TREM1: variants seen among roughly 807,000 people sequenced by gnomAD.
TREM1 encodes triggering receptor expressed on myeloid cells 1, also known as triggering receptor expressed on monocytes 1.
Under a neutral mutation model 22.4 loss-of-function variants are expected in TREM1, and 16 were observed. The observed-to-expected ratio is 0.71, with a 90% CI of 0.48 to 1.08. The LOEUF (loss-of-function observed/expected upper bound fraction) is 1.08. TREM1 is among the 50% of genes least tolerant of loss of function. TREM1 has a pLI of 0.00. For synonymous variants in TREM1, 110 were observed against 111.6 expected (o/e 0.99, Z 0.09); for missense variants, 283 against 282.9 (o/e 1.00, Z 0.00).
At chr6:41,278,436 G>A (rs6910438) in intron 3 of TREM1, among the ~76,000 whole-genome samples, 17,208 of 151,612 alleles carry the variant, frequency 0.11, 1,062 homozygotes, top group East Asian at 0.27. Flanking sequence ...TTGGGAGGCC[G>A]AGGTGGGAGG....
Position 41,275,313 on chromosome 6 carries a change from A to G in TREM1, c.*812T>C, listed in dbSNP as rs1767625806. ...GGAACTCCTGGTTATTCTATTCTAT[A>G]TGGTTTTGGGGTCCTTCAGGTAAGG... On this transcript the variant is annotated 3_prime_UTR_variant, in exon 4 of 4. Coordinates refer to ENST00000244709, the MANE Select transcript of TREM1 (RefSeq NM_018643.5). The G allele has an allele frequency of 1.3e-5, 2 of 152,074 alleles. No individual in the cohort carries two copies. Among genetic ancestry groups the G allele is most frequent in the Admixed American group, 6.5e-5 (1 of 15,270 alleles). The allele number at this position is 152,074 out of a possible 1,614,324, so 9.4% of individuals were successfully genotyped here.
At chr6:41,272,743 C>T (rs943250712), downstream of TREM1, among the ~76,000 whole-genome samples, 1 of 152,094 alleles carries the variant, frequency 6.6e-6, no homozygotes, top group Admixed American at 6.5e-5. Flanking sequence ...CCTGAGCTAA[C>T]CTGTCCAGGC....
chr6:41,282,883 G>T lies in TREM1; in HGVS notation c.50-132C>A, dbSNP rs558597391. On this transcript the variant is annotated intron_variant, in intron 1 of 3. Coordinates refer to ENST00000244709, the MANE Select transcript of TREM1 (RefSeq NM_018643.5). ...TCAGATGAGGTTCTTGAGGCCTCCAGAGAAAATACAACTTGCCCTGCAAGC... is the reference window on the plus strand; with the variant it reads ...TCAGATGAGGTTCTTGAGGCCTCCATAGAAAATACAACTTGCCCTGCAAGC... 3.2e-5 allele frequency: 26 copies of T among 805,880 alleles called. No individual in the cohort carries two copies. The East Asian group carries it at 5.9e-4, about 18-fold the overall frequency. The allele number at this position is 805,880 out of a possible 1,614,324, so 49.9% of individuals were successfully genotyped here.
At chr6:41,272,917 C>A (rs1767523724), downstream of TREM1, among the ~76,000 whole-genome samples, 2 of 152,166 alleles carry the variant, frequency 1.3e-5, no homozygotes, top group Middle Eastern at 3.2e-3. Flanking sequence ...GTACCAAACA[C>A]CTTTTTCTTT....
At chr6:41,283,684 C>T (rs1768028544) in intron 1 of TREM1, among the ~76,000 whole-genome samples, 2 of 150,696 alleles carry the variant, frequency 1.3e-5, no homozygotes. Context: ...TGCACTCCAG[C>T]CTGGGCCACA....
At chr6:41,280,648 G>A in intron 3 of TREM1, 1 of 1,383,390 alleles carries the variant, frequency 7.2e-7, no homozygotes, top group South Asian at 1.6e-5. Flanking sequence ...CTTTCCCACT[G>A]CCCATCAGGC....
In TREM1 at chr6:41,284,495, C is replaced by T. The variant is rs72859285; in HGVS notation, c.50-1744G>A. On this transcript the variant is annotated intron_variant, in intron 1 of 3. Transcript: ENST00000244709. The stretch of plus-strand genomic sequence containing the variant: ...AGAGCGGAAGTGAGAAGACCAAGGT[C>T]CGTGTTTTCAGCTGGACACACAGGG... Among the ~76,000 whole-genome samples, 685 of 152,272 alleles carry T rather than the reference C, an allele frequency of 4.5e-3. 2 individuals carry two copies. The highest frequency in any genetic ancestry group is 7.1e-3 in the Non-Finnish European group (482 of 68,024).
At position 41,282,402 on chromosome 6, in the gene TREM1, C is replaced by T. The variant is rs1767957400; in HGVS notation, c.399G>A (p.Val133=). The change falls in exon 2 of 4, where the codon GTG becomes GTA. Residue 133 remains valine (V), a synonymous_variant. Transcript: ENST00000244709. ...AAGTCCCAGGCCACTCACCCTTGGT[C>T]ACCACCAAGCGGATGCGATCGAACA... is the stretch of plus-strand genomic sequence containing the variant. ...HMLFDRIRLV[V]TKGFSGTPGS... 1 of 1,606,270 alleles carries T rather than the reference C, an allele frequency of 6.2e-7. No homozygotes were observed. The highest frequency in any genetic ancestry group is 8.5e-7 in the Non-Finnish European group (1 of 1,174,768).
At position 41,282,405 on chromosome 6, in the gene TREM1, C is replaced by T. The variant is rs1393554042; in HGVS notation, c.396G>A (p.Val132=). ...TCCCAGGCCACTCACCCTTGGTCAC[C>T]ACCAAGCGGATGCGATCGAACAGCA... ...PHMLFDRIRL[V]VTKGFSGTPG... The change falls in exon 2 of 4, where the codon GTG becomes GTA. Residue 132 remains valine (V), a synonymous_variant. Coordinates refer to ENST00000244709, the MANE Select transcript of TREM1 (RefSeq NM_018643.5). 2 of 1,609,622 alleles carry T rather than the reference C, an allele frequency of 1.2e-6. No individual in the cohort carries two copies. Among genetic ancestry groups the T allele is most frequent in the South Asian group, 2.2e-5 (2 of 90,666 alleles).
At chr6:41,286,543 GA>G in intron 1 of TREM1, 63 bp downstream of exon 1, 1 of 1,590,164 alleles carries the variant, frequency 6.3e-7, no homozygotes, top group Admixed American at 1.7e-5. Context: ...AGCTTCAACA[GA>G]AAAGGGCTCC....
chr6:41,271,355 G>A (rs1215276717), downstream of TREM1, among the ~76,000 whole-genome samples: 1 of 152,162 alleles, frequency 6.6e-6, no homozygotes, highest in Non-Finnish European at 1.5e-5. Flanking sequence ...GCCTAATAGA[G>A]GTTAGAAACC....
In TREM1 at chr6:41,286,677, A is replaced by G. The variant is rs1234580569; in HGVS notation, c.-22T>C. On this transcript the variant is annotated 5_prime_UTR_variant, in exon 1 of 4. Coordinates refer to ENST00000244709, the MANE Select transcript of TREM1 (RefSeq NM_018643.5). Reference sequence around the variant, plus strand: ...TCATCCTTCCTGTGCACCAGCTCCAACTGCTGCTGAGGGCTCCCGGGACAG... The same window carrying G: ...TCATCCTTCCTGTGCACCAGCTCCAGCTGCTGCTGAGGGCTCCCGGGACAG... The G allele has an allele frequency of 3.7e-6, 6 of 1,613,704 alleles. No homozygotes were observed. In the East Asian group the frequency reaches 6.7e-5, roughly 18 times the overall value.
intron 2 of TREM1, chr6:41,282,043 A>G (rs994889263): frequency 4.1e-6 from 1 of 244,062 alleles, no homozygotes; most frequent in Admixed American, 5.0e-5. Context: ...AAGATGTGAG[A>G]GGGGCTGCTT....
intron 3 of TREM1, chr6:41,279,632 G>A (rs1189959352): frequency 1.0e-6 from 1 of 985,246 alleles, no homozygotes; most frequent in Non-Finnish European, 1.2e-6. Context: ...TACCCATATG[G>A]AGGTGGAGTC....
chr6:41,273,274 C>A (rs1408107208), downstream of TREM1, among the ~76,000 whole-genome samples: 7 of 152,198 alleles, frequency 4.6e-5, no homozygotes, highest in Admixed American at 4.6e-4. Context: ...TGGCTTCTGC[C>A]CATTTTCTAA....
At chr6:41,281,193 A>G (rs767775150) in intron 2 of TREM1, 40 bp from the exon 3 acceptor site, 2 of 1,598,988 alleles carry the variant, frequency 1.3e-6, no homozygotes, top group Admixed American at 3.4e-5. Context: ...GGACAGATGG[A>G]TGATGAATGG....
Position 41,275,709 on chromosome 6 carries a change from T to C in TREM1, c.*416A>G, listed in dbSNP as rs1767637831. 6.0e-6 allele frequency: 1 copy of C among 166,214 alleles called. No individual in the cohort carries two copies. Among genetic ancestry groups the C allele is most frequent in the Non-Finnish European group, 1.3e-5 (1 of 76,198 alleles). 10.3% of individuals were successfully genotyped at this position (166,214 alleles called of 1,614,324 possible). A position where few individuals can be genotyped will look rare whatever the true frequency, so the allele number is the denominator to read the frequency against. On this transcript the variant is annotated 3_prime_UTR_variant, in exon 4 of 4. Transcript: ENST00000244709. ...AAGTCCCAGCATGGGGCGAGCAGGATGCTTCTGTAGTGGGAGCTCTGTCCA... is the reference window on the plus strand; with the variant it reads ...AAGTCCCAGCATGGGGCGAGCAGGACGCTTCTGTAGTGGGAGCTCTGTCCA...
Position 41,276,053 on chromosome 6 carries a change from C to G in TREM1, c.*72G>C, listed in dbSNP as rs1767652084. The G allele has an allele frequency of 8.7e-7, 1 of 1,155,060 alleles. No homozygotes were observed. Among genetic ancestry groups the G allele is most frequent in the Non-Finnish European group, 1.3e-6 (1 of 762,764 alleles). 71.6% of individuals were successfully genotyped at this position (1,155,060 alleles called of 1,614,324 possible). A position where few individuals can be genotyped will look rare whatever the true frequency, so the allele number is the denominator to read the frequency against. On this transcript the variant is annotated 3_prime_UTR_variant, in exon 4 of 4. Coordinates refer to ENST00000244709, the MANE Select transcript of TREM1 (RefSeq NM_018643.5). The stretch of plus-strand genomic sequence containing the variant: ...ATTAACTCCCTGCCTTTTACCTCCT[C>G]CCTCCTCCCTTGGCACAACTGCCAG...
chr6:41,272,416 C>A (rs1454411486), downstream of TREM1, among the ~76,000 whole-genome samples: 2 of 152,190 alleles, frequency 1.3e-5, no homozygotes, highest in Non-Finnish European at 2.9e-5. Context: ...CATTGTTCAT[C>A]CCCCAAGGCC....
Sources: allele counts gnomAD v4.1 joint callset (sites outside exome capture counted in the v4.1 genomes callset), GRCh38; gene constraint gnomAD v4.1.1; transcripts MANE v1.5; gene names NCBI Gene and HGNC (gene_info 2026-07-23, HGNC 2026-07-21).